The following NRG3 variants were observed in gnomAD, a reference collection of about 807,000 sequenced individuals.
The protein encoded by NRG3 is neuregulin 3.
Under a neutral mutation model 66.9 loss-of-function variants are expected in NRG3, and 31 were observed. The ratio of observed to expected loss-of-function variants is 0.46; its 90% CI spans 0.35 to 0.63. NRG3 has a LOEUF of 0.63. NRG3 is among the 20% of genes least tolerant of loss of function. The probability of loss-of-function intolerance (pLI) is 0.00; values close to 1 mark genes in which losing one functional copy is unlikely to be tolerated. For missense variants in NRG3, 910 were observed against 878.9 expected (o/e 1.04, Z -0.45); for synonymous variants, 393 against 359.4 (o/e 1.09, Z -1.06).
At chr10:82,110,513 C>G (rs1207930564) in intron 1 of NRG3, among the ~76,000 whole-genome samples, 1 of 152,024 alleles carries the variant, frequency 6.6e-6, no homozygotes, top group African/African-American at 2.4e-5. Context: ...AACGGAAACA[C>G]AGAGACGAGA....
At chr10:82,877,975 G>T (rs945648575) in intron 4 of NRG3, among the ~76,000 whole-genome samples, 3 of 152,076 alleles carry the variant, frequency 2.0e-5, no homozygotes, top group African/African-American at 7.2e-5. Flanking sequence ...TGAACTATTT[G>T]TCCAAAGGAG....
intron 1 of NRG3, among the ~76,000 whole-genome samples, chr10:82,073,836 A>G (rs2064942097): frequency 6.6e-6 from 1 of 152,186 alleles, no homozygotes; most frequent in East Asian, 1.9e-4. Context: ...TTTATTCATT[A>G]CTTCATTCAA....
intron 1 of NRG3, among the ~76,000 whole-genome samples, chr10:82,294,082 T>C (rs2079904931): frequency 6.6e-6 from 1 of 152,122 alleles, no homozygotes; most frequent in Non-Finnish European, 1.5e-5. Flanking sequence ...TCCCATCCTA[T>C]GCTCTCCCTC....
chr10:82,391,276 G>T (rs1196858130), intron 2 of NRG3, among the ~76,000 whole-genome samples: 3 of 152,132 alleles, frequency 2.0e-5, no homozygotes, highest in African/African-American at 7.2e-5. Context: ...GTCTGAGAAG[G>T]AATATGCTAC....
chr10:82,483,272 T>C (rs1428954046), intron 2 of NRG3, among the ~76,000 whole-genome samples: 1 of 152,174 alleles, frequency 6.6e-6, no homozygotes, highest in Non-Finnish European at 1.5e-5. Flanking sequence ...AAACATGATT[T>C]GCATACAGAG....
chr10:82,835,959 C>G (rs541050844), intron 3 of NRG3, among the ~76,000 whole-genome samples: 1 of 152,194 alleles, frequency 6.6e-6, no homozygotes, highest in African/African-American at 2.4e-5. Context: ...CTGTTTAGAG[C>G]GAGGGTTAGC....
At chr10:82,813,637 A>G (rs1010266246) in intron 3 of NRG3, among the ~76,000 whole-genome samples, 1 of 152,150 alleles carries the variant, frequency 6.6e-6, no homozygotes, top group Non-Finnish European at 1.5e-5. Flanking sequence ...TTACACCTTT[A>G]TTTGTATTAT....
At chr10:82,184,720 T>G (rs375664143) in intron 1 of NRG3, among the ~76,000 whole-genome samples, 2 of 152,242 alleles carry the variant, frequency 1.3e-5, no homozygotes, top group East Asian at 3.9e-4. Context: ...GGTCATTAGC[T>G]TCTACAAAAT....
rs2074867058 is a variant in NRG3, at chr10:82,202,213, C to T, written c.824-156526C>T. On this transcript the variant is annotated intron_variant, in intron 1 of 8. Coordinates refer to ENST00000372141, the MANE Select transcript of NRG3 (RefSeq NM_001010848.4). ...TGTGTTCACTAAGCCCCCTGACTCA[C>T]ACACATGACACAGGGATCTGGAGAT... Among the ~76,000 whole-genome samples, 3 of 152,186 alleles carry T rather than the reference C, an allele frequency of 2.0e-5. No individual in the cohort carries two copies. In the South Asian group the frequency reaches 6.2e-4, roughly 32 times the overall value.
chr10:82,767,968 T>C (rs1370863808), intron 3 of NRG3, among the ~76,000 whole-genome samples: 1 of 152,016 alleles, frequency 6.6e-6, no homozygotes, highest in Non-Finnish European at 1.5e-5. Context: ...TCCATAGTGC[T>C]CCTCACCTTG....
intron 1 of NRG3, among the ~76,000 whole-genome samples, chr10:82,168,120 T>C (rs1479638873): frequency 2.0e-5 from 3 of 152,184 alleles, no homozygotes; most frequent in Non-Finnish European, 4.4e-5. Context: ...TAACTCTGAA[T>C]ATGACTTTGA....
chr10:81,919,391 T>C (rs1357760855), intron 1 of NRG3, among the ~76,000 whole-genome samples: 3 of 152,234 alleles, frequency 2.0e-5, no homozygotes, highest in African/African-American at 4.8e-5. Context: ...TAATCTGTGA[T>C]GGCAGAATGG....
intron 3 of NRG3, among the ~76,000 whole-genome samples, chr10:82,783,111 G>A (rs1591510661): frequency 6.6e-6 from 1 of 151,728 alleles, no homozygotes; most frequent in Admixed American, 6.6e-5. Context: ...CAAAAACCAC[G>A]ACTATCTCAA....
intron 1 of NRG3, among the ~76,000 whole-genome samples, chr10:82,251,627 A>G (rs948208491): frequency 2.6e-5 from 4 of 152,104 alleles, no homozygotes; most frequent in African/African-American, 9.7e-5. Flanking sequence ...CCAGCAGATA[A>G]CACTTTGATT....
intron 2 of NRG3, among the ~76,000 whole-genome samples, chr10:82,679,211 C>T (rs1462700599): frequency 6.6e-6 from 1 of 152,218 alleles, no homozygotes; most frequent in Non-Finnish European, 1.5e-5. Context: ...TGACTCTGGA[C>T]TGTTGTATAG....
At chr10:82,424,879 T>G (rs918815828) in intron 2 of NRG3, among the ~76,000 whole-genome samples, 1 of 151,918 alleles carries the variant, frequency 6.6e-6, no homozygotes, top group Non-Finnish European at 1.5e-5. Context: ...TCTCAGCAGT[T>G]TATTTAAAAA....
At chr10:82,539,889 C>T (rs994662775) in intron 2 of NRG3, among the ~76,000 whole-genome samples, 14 of 152,116 alleles carry the variant, frequency 9.2e-5, no homozygotes, top group Non-Finnish European at 1.6e-4. Flanking sequence ...ACCTTGGCCT[C>T]GCAAAGTGCT....
At chr10:82,167,275 G>A (rs1046292109) in intron 1 of NRG3, among the ~76,000 whole-genome samples, 2 of 151,932 alleles carry the variant, frequency 1.3e-5, no homozygotes, top group Non-Finnish European at 2.9e-5. Context: ...ATTCTGGCAT[G>A]CAATTAATTT....
At chr10:82,502,969 A>G (rs1481228069) in intron 2 of NRG3, among the ~76,000 whole-genome samples, 1 of 152,102 alleles carries the variant, frequency 6.6e-6, no homozygotes, top group Non-Finnish European at 1.5e-5. Flanking sequence ...TTCCAATTTG[A>G]TTTGTCTGAT....
Sources: allele counts gnomAD v4.1 joint callset (sites outside exome capture counted in the v4.1 genomes callset), GRCh38; gene constraint gnomAD v4.1.1; transcripts MANE v1.5; gene names NCBI Gene and HGNC (gene_info 2026-07-23, HGNC 2026-07-21).